The following ZNF804B variants were observed in gnomAD, a reference collection of about 807,000 sequenced individuals.
ZNF804B encodes zinc finger 804B.
ZNF804B carries 80 observed loss-of-function variants against 101.4 expected under a neutral mutation model. The ratio of observed to expected loss-of-function variants is 0.79; its 90% CI spans 0.66 to 0.95. The LOEUF (loss-of-function observed/expected upper bound fraction) is 0.95. Among genes scored for constraint, ZNF804B ranks in the 40% least tolerant of loss-of-function variants. The probability of loss-of-function intolerance (pLI) is 0.00; values close to 1 mark genes in which losing one functional copy is unlikely to be tolerated. For synonymous variants in ZNF804B, 622 were observed against 558.8 expected, an observed-to-expected ratio of 1.11 and a Z score of -1.59; for missense variants, 1,673 against 1,561.9, an observed-to-expected ratio of 1.07 and a Z score of -1.20.
At chr7:88,902,884 G>A (rs1185454208) in intron 1 of ZNF804B, among the ~76,000 whole-genome samples, 1 of 151,884 alleles carries the variant, frequency 6.6e-6, no homozygotes, top group African/African-American at 2.4e-5. Flanking sequence ...ATAAAACTAT[G>A]CAAATTTTCT....
chr7:88,888,676 A>G (rs1254355780), intron 1 of ZNF804B, among the ~76,000 whole-genome samples: 1 of 152,156 alleles, frequency 6.6e-6, no homozygotes, highest in Non-Finnish European at 1.5e-5. Context: ...CAATGAAAAA[A>G]TTTCATTATT....
At chr7:89,143,956 G>T (rs941167288) in intron 1 of ZNF804B, among the ~76,000 whole-genome samples, 1 of 151,918 alleles carries the variant, frequency 6.6e-6, no homozygotes, top group African/African-American at 2.4e-5. Context: ...GTCAAACCAA[G>T]TAGCTATATT....
At chr7:89,005,216 T>C (rs1279428583) in intron 1 of ZNF804B, among the ~76,000 whole-genome samples, 10 of 151,990 alleles carry the variant, frequency 6.6e-5, no homozygotes, top group Non-Finnish European at 1.2e-4. Flanking sequence ...ATTTATTCTG[T>C]AAGGAGCATT....
intron 1 of ZNF804B, among the ~76,000 whole-genome samples, chr7:88,870,109 G>A (rs375598139): frequency 2.4e-4 from 37 of 151,448 alleles, no homozygotes; most frequent in Non-Finnish European, 5.2e-4. Context: ...TGATTGGGCC[G>A]GGCGCGGTGG....
intron 1 of ZNF804B, among the ~76,000 whole-genome samples, chr7:89,134,989 G>A (rs1200935348): frequency 1.1e-4 from 16 of 152,038 alleles, no homozygotes. Context: ...TGGAAAAAGA[G>A]ATATTTGAAC....
chr7:89,189,520 G>T (rs1159609287), intron 1 of ZNF804B, among the ~76,000 whole-genome samples: 1 of 152,106 alleles, frequency 6.6e-6, no homozygotes, highest in African/African-American at 2.4e-5. Flanking sequence ...CAATGAGCGG[G>T]CTGATACAAA....
At chr7:88,961,533 C>A (rs1025838941) in intron 1 of ZNF804B, among the ~76,000 whole-genome samples, 2 of 151,304 alleles carry the variant, frequency 1.3e-5, no homozygotes, top group Non-Finnish European at 3.0e-5. Context: ...GCAGCAGTGA[C>A]CTCTTTACAG....
chr7:88,939,666 A>G (rs376719450), intron 1 of ZNF804B, among the ~76,000 whole-genome samples: 11 of 152,082 alleles, frequency 7.2e-5, no homozygotes, highest in Middle Eastern at 6.8e-3. Context: ...CAAATACACT[A>G]TTTAAAACAT....
chr7:89,262,001 A>C (rs920680672), intron 2 of ZNF804B, among the ~76,000 whole-genome samples: 7 of 152,168 alleles, frequency 4.6e-5, no homozygotes, highest in Non-Finnish European at 1.0e-4. Flanking sequence ...AATTAGAAAT[A>C]TTTTTGGAAA....
chr7:88,891,161 T>A (rs1399444156), intron 1 of ZNF804B, among the ~76,000 whole-genome samples: 1 of 152,140 alleles, frequency 6.6e-6, no homozygotes, highest in Non-Finnish European at 1.5e-5. Context: ...AATTGAGTTT[T>A]CCATGTTATC....
intron 1 of ZNF804B, among the ~76,000 whole-genome samples, chr7:89,088,983 C>T (rs1789845340): frequency 6.6e-6 from 1 of 151,904 alleles, no homozygotes; most frequent in Admixed American, 6.6e-5. Context: ...TGCCACATTC[C>T]CCTTTGCTCT....
intron 1 of ZNF804B, among the ~76,000 whole-genome samples, chr7:88,969,879 G>A (rs758201464): frequency 6.6e-6 from 1 of 151,178 alleles, no homozygotes; most frequent in Non-Finnish European, 1.5e-5. Context: ...AAATTGTTTC[G>A]CTTAGTATTG....
intron 1 of ZNF804B, among the ~76,000 whole-genome samples, chr7:89,014,148 A>G (rs1446643607): frequency 6.6e-6 from 1 of 152,146 alleles, no homozygotes; most frequent in East Asian, 1.9e-4. Flanking sequence ...TATAGTGGCT[A>G]TAATAGTTTA....
chr7:89,098,802 A>G (rs1419605624), intron 1 of ZNF804B, among the ~76,000 whole-genome samples: 1 of 151,916 alleles, frequency 6.6e-6, no homozygotes, highest in Non-Finnish European at 1.5e-5. Flanking sequence ...AATGACTCTG[A>G]ACTGTAAACT....
chr7:88,865,906 C>T (rs1478899195), intron 1 of ZNF804B, among the ~76,000 whole-genome samples: 1 of 152,222 alleles, frequency 6.6e-6, no homozygotes, highest in African/African-American at 2.4e-5. Flanking sequence ...GCATCCTGCC[C>T]TTCCCTGAAT....
Position 88,760,054 on chromosome 7 carries a change from A to C in ZNF804B, c.78A>C (p.Gly26=). ...GGGGCATTAAAGGAGTCTTCAGGGG[A>C]CCCCTGTGCAAGAACGGATCTCCCT... is the stretch of plus-strand genomic sequence containing the variant. The part of the protein sequence containing the change: ...HYRGIKGVFR[G]PLCKNGSPSP... The change falls in exon 1 of 4, where the codon GGA becomes GGC. Residue 26 remains glycine (G), a synonymous_variant. Coordinates refer to ENST00000333190, the MANE Select transcript of ZNF804B (RefSeq NM_181646.5). 6.2e-7 allele frequency: 1 copy of C among 1,613,928 alleles called. No homozygotes were observed. Among genetic ancestry groups the C allele is most frequent in the Non-Finnish European group, 8.5e-7 (1 of 1,179,966 alleles).
At chr7:88,785,510 A>G (rs1213381771) in intron 1 of ZNF804B, among the ~76,000 whole-genome samples, 2 of 152,074 alleles carry the variant, frequency 1.3e-5, no homozygotes, top group Non-Finnish European at 2.9e-5. Flanking sequence ...TGGTCCTTCT[A>G]TAATGCATAA....
chr7:89,120,120 T>A, intron 1 of ZNF804B, among the ~76,000 whole-genome samples: 1 of 152,062 alleles, frequency 6.6e-6, no homozygotes, highest in Non-Finnish European at 1.5e-5. Flanking sequence ...ATCTATCCAT[T>A]TAAAAATGAA....
At chr7:89,154,800 A>G (rs1790932180) in intron 1 of ZNF804B, among the ~76,000 whole-genome samples, 2 of 152,246 alleles carry the variant, frequency 1.3e-5, no homozygotes, top group Non-Finnish European at 2.9e-5. Flanking sequence ...AAGACCTACT[A>G]TTTGATAGCA....
Sources: allele counts gnomAD v4.1 joint callset (sites outside exome capture counted in the v4.1 genomes callset), GRCh38; gene constraint gnomAD v4.1.1; transcripts MANE v1.5; gene names NCBI Gene and HGNC (gene_info 2026-07-23, HGNC 2026-07-21).